WWOX: variants seen among roughly 807,000 people sequenced by gnomAD.
The protein encoded by WWOX is WW domain-containing oxidoreductase.
WWOX carries 69 observed loss-of-function variants against 46.2 expected under a neutral mutation model. The observed-to-expected ratio is 1.49, with a 90% CI of 1.23 to 1.82. The LOEUF (loss-of-function observed/expected upper bound fraction) is 1.82, where lower values mean the gene tolerates loss of function less well. WWOX is among the 40% of genes most tolerant of loss of function. The pLI is 0.00. For synonymous variants in WWOX, 359 were observed against 202.6 expected (o/e 1.77, Z -6.56); for missense variants, 919 against 542.6 (o/e 1.69, Z -6.89).
At chr16:78,848,742 C>T (rs1028537372) in intron 8 of WWOX, among the ~76,000 whole-genome samples, 8 of 152,180 alleles carry the variant, frequency 5.3e-5, no homozygotes, top group Middle Eastern at 6.8e-3. Flanking sequence ...GTTGAACCAC[C>T]AGTTCTCAAT....
chr16:79,185,064 T>C (rs963565366), intron 8 of WWOX, among the ~76,000 whole-genome samples: 1 of 152,214 alleles, frequency 6.6e-6, no homozygotes, highest in African/African-American at 2.4e-5. Flanking sequence ...CCTTTTGTGA[T>C]TTGAGAGGTC....
chr16:78,951,417 C>G (rs535981728), intron 8 of WWOX, among the ~76,000 whole-genome samples: 57 of 152,248 alleles, frequency 3.7e-4, no homozygotes, highest in South Asian at 1.2e-3. Context: ...CAATCACCGT[C>G]TTTCTGTCTG....
rs945056686 is a variant in WWOX at position 78,792,283 on chromosome 16, C to G, written c.1056+359531C>G. On this transcript the variant is annotated intron_variant, in intron 8 of 8. Coordinates refer to ENST00000566780, the MANE Select transcript of WWOX (RefSeq NM_016373.4). Reference sequence around the variant, plus strand: ...GGGGCTGGGAATGGGCTGATCTAGGCTGGACTTGGCTGGAGTAACCCAGCC... The same window carrying G: ...GGGGCTGGGAATGGGCTGATCTAGGGTGGACTTGGCTGGAGTAACCCAGCC... 5.3e-5 allele frequency among the ~76,000 whole-genome samples: 8 copies of G among 152,320 alleles called. No individual in the cohort carries two copies. In the South Asian group the frequency reaches 1.7e-3, roughly 32 times the overall value.
chr16:79,097,573 C>T (rs542116172), intron 8 of WWOX, among the ~76,000 whole-genome samples: 1 of 152,182 alleles, frequency 6.6e-6, no homozygotes, highest in Non-Finnish European at 1.5e-5. Context: ...ACATAACCCT[C>T]TCCTACTGAG....
chr16:78,837,662 C>A (rs1232562683), intron 8 of WWOX, among the ~76,000 whole-genome samples: 1 of 152,072 alleles, frequency 6.6e-6, no homozygotes, highest in Non-Finnish European at 1.5e-5. Context: ...TATTTTGTAT[C>A]TTATACCAAG....
intron 5 of WWOX, among the ~76,000 whole-genome samples, chr16:78,381,407 G>T (rs890500481): frequency 6.6e-6 from 1 of 151,882 alleles, no homozygotes; most frequent in Non-Finnish European, 1.5e-5. Context: ...TATATTCAAG[G>T]GAAATGGGAG....
chr16:78,143,405 T>G (rs2034054909), intron 4 of WWOX, among the ~76,000 whole-genome samples: 1 of 152,168 alleles, frequency 6.6e-6, no homozygotes, highest in Non-Finnish European at 1.5e-5. Context: ...GGATATTGTC[T>G]ATTCGAAGGG....
chr16:78,412,713 G>A (rs1469354021), intron 6 of WWOX, among the ~76,000 whole-genome samples: 1 of 152,168 alleles, frequency 6.6e-6, no homozygotes, highest in African/African-American at 2.4e-5. Flanking sequence ...TGAATTTATT[G>A]ATTGAGAAGC....
At chr16:78,711,383 C>A (rs971153483) in intron 8 of WWOX, among the ~76,000 whole-genome samples, 1 of 152,178 alleles carries the variant, frequency 6.6e-6, no homozygotes, top group Admixed American at 6.5e-5. Context: ...CATATCTGGC[C>A]ACTGTATATG....
At position 78,164,206 on chromosome 16, in the gene WWOX, G is replaced by GC; in HGVS notation, c.436dup (p.Leu146ProfsTer18). The GC allele has an allele frequency of 6.2e-7, 1 of 1,614,064 alleles. No individual in the cohort carries two copies. The highest frequency in any genetic ancestry group is 8.5e-7 in the Non-Finnish European group (1 of 1,180,010). On this transcript the variant is annotated frameshift_variant, in exon 5 of 9. Transcript: ENST00000566780. LOFTEE classifies it high-confidence loss of function. The stretch of plus-strand genomic sequence containing the variant: ...AGGGTTCGAAACCGCCAAGTCTTTT[G>GC]CCCTCCATGGTGCACATGTGATCTT...
Position 78,575,489 on chromosome 16 carries a change from G to C in WWOX, c.1056+142737G>C, listed in dbSNP as rs537243308. Reference sequence around the variant, plus strand: ...AACCAAAAAGGATGTCTGCATGGAGGACAAGAAGGCACAAATCGTCTGATT... The same window carrying C: ...AACCAAAAAGGATGTCTGCATGGAGCACAAGAAGGCACAAATCGTCTGATT... On this transcript the variant is annotated intron_variant, in intron 8 of 8. Coordinates refer to ENST00000566780, the MANE Select transcript of WWOX (RefSeq NM_016373.4). Among the ~76,000 whole-genome samples the C allele has an allele frequency of 2.0e-5, 3 of 152,050 alleles. No individual in the cohort carries two copies. The South Asian group carries it at 6.3e-4, about 32-fold the overall frequency.
At chr16:78,592,046 T>G (rs2045365029) in intron 8 of WWOX, among the ~76,000 whole-genome samples, 1 of 152,196 alleles carries the variant, frequency 6.6e-6, no homozygotes, top group South Asian at 2.1e-4. Flanking sequence ...TTTGTCTCAG[T>G]CAATATTTAC....
intron 8 of WWOX, among the ~76,000 whole-genome samples, chr16:78,661,849 C>CA (rs1200282061): frequency 2.0e-5 from 3 of 152,184 alleles, no homozygotes; most frequent in Non-Finnish European, 2.9e-5. Context: ...CCAGCCTGGG[C>CA]AAACAGCCTG....
intron 8 of WWOX, among the ~76,000 whole-genome samples, chr16:78,639,566 T>C (rs894601320): frequency 9.2e-6 from 1 of 108,414 alleles, no homozygotes; most frequent in Non-Finnish European, 1.8e-5. Context: ...GGGCACAGAT[T>C]GGATTTTTTT....
intron 6 of WWOX, among the ~76,000 whole-genome samples, chr16:78,399,776 C>G (rs983514159): frequency 3.9e-5 from 6 of 152,024 alleles, no homozygotes; most frequent in Admixed American, 2.0e-4. Context: ...CTCATTGTCA[C>G]TTTGGAATCT....
chr16:79,086,933 A>G (rs1356259390), intron 8 of WWOX, among the ~76,000 whole-genome samples: 1 of 152,220 alleles, frequency 6.6e-6, no homozygotes, highest in Non-Finnish European at 1.5e-5. Flanking sequence ...CTGCAGTCAC[A>G]TCTCTAGTAC....
At chr16:78,506,330 T>C (rs1202731266) in intron 8 of WWOX, among the ~76,000 whole-genome samples, 1 of 152,182 alleles carries the variant, frequency 6.6e-6, no homozygotes, top group East Asian at 1.9e-4. Context: ...GTCAGTGACT[T>C]AGCCACTCTA....
intron 8 of WWOX, among the ~76,000 whole-genome samples, chr16:78,671,380 G>T (rs1236150789): frequency 6.6e-6 from 1 of 152,204 alleles, no homozygotes; most frequent in Non-Finnish European, 1.5e-5. Flanking sequence ...AGCTGAGATT[G>T]TGCCACTGCA....
chr16:78,657,002 G>A (rs1321396270), intron 8 of WWOX, among the ~76,000 whole-genome samples: 1 of 152,130 alleles, frequency 6.6e-6, no homozygotes, highest in African/African-American at 2.4e-5. Context: ...GTGGATGAGC[G>A]TTTTGCTTCG....
Sources: allele counts gnomAD v4.1 joint callset (sites outside exome capture counted in the v4.1 genomes callset), GRCh38; gene constraint gnomAD v4.1.1; transcripts MANE v1.5; gene names NCBI Gene and HGNC (gene_info 2026-07-23, HGNC 2026-07-21).